GNG12: variants seen among roughly 807,000 people sequenced by gnomAD.
GNG12 encodes the protein guanine nucleotide-binding protein G(I)/G(S)/G(O) subunit gamma-12.
For missense variants in GNG12, 69 were observed against 83.8 expected (o/e 0.82, Z 0.69); for synonymous variants, 28 against 29.7 (o/e 0.94, Z 0.19).
chr1:67,771,963 A>G lies in GNG12; in HGVS notation c.-27+5495T>C, dbSNP rs559303712. 1.1e-4 allele frequency among the ~76,000 whole-genome samples: 17 copies of G among 152,326 alleles called. No homozygotes were observed. In the South Asian group the frequency reaches 1.9e-3, roughly 17 times the overall value. ...CCACTGATGTCACTGTGTCTGTTCC[A>G]TAAGGAGCTATGCTTATCATGGACA... On this transcript the variant is annotated intron_variant, in intron 2 of 3. Transcript: ENST00000370982.
chr1:67,704,329 A>AT lies in GNG12; in HGVS notation c.*1121dup, dbSNP rs1035411769. 95 of 150,570 alleles carry AT rather than the reference A, an allele frequency of 6.3e-4. No homozygotes were observed. The highest frequency in any genetic ancestry group is 1.8e-3 in the African/African-American group (74 of 41,074). 9.3% of individuals were successfully genotyped at this position (150,570 alleles called of 1,614,324 possible). A position where few individuals can be genotyped will look rare whatever the true frequency, so the allele number is the denominator to read the frequency against. The stretch of plus-strand genomic sequence containing the variant: ...CCTGACAGCTTGCATTTTTTTTTTA[A>AT]TTTTTTTTTTCCTCACCGTATTCCA... On this transcript the variant is annotated 3_prime_UTR_variant, in exon 4 of 4. Coordinates refer to ENST00000370982, the MANE Select transcript of GNG12 (RefSeq NM_018841.6).
intron 2 of GNG12, among the ~76,000 whole-genome samples, chr1:67,762,736 A>C (rs1646613007): frequency 6.6e-6 from 1 of 152,150 alleles, no homozygotes; most frequent in South Asian, 2.1e-4. Flanking sequence ...CATGCAATTT[A>C]GTGAAAAATT....
chr1:67,718,116 T>G (rs1646337059), intron 2 of GNG12, among the ~76,000 whole-genome samples: 1 of 152,182 alleles, frequency 6.6e-6, no homozygotes, highest in African/African-American at 2.4e-5. Context: ...GCCCTGACCC[T>G]TCACCTGAAT....
At chr1:67,785,651 A>G (rs1026856241) in intron 1 of GNG12, among the ~76,000 whole-genome samples, 16 of 152,200 alleles carry the variant, frequency 1.1e-4, no homozygotes, top group African/African-American at 3.9e-4. Context: ...AGTTTTTTAA[A>G]AAATGTAATT....
intron 1 of GNG12, among the ~76,000 whole-genome samples, chr1:67,797,920 G>A (rs1646841700): frequency 6.6e-6 from 1 of 152,154 alleles, no homozygotes; most frequent in Admixed American, 6.5e-5. Context: ...GGCACCACTG[G>A]ATGACCACGG....
intron 1 of GNG12, among the ~76,000 whole-genome samples, chr1:67,794,680 T>C (rs1646819825): frequency 6.6e-6 from 1 of 152,210 alleles, no homozygotes; most frequent in Non-Finnish European, 1.5e-5. Flanking sequence ...ATATATAAGA[T>C]GACAAAAGAA....
chr1:67,722,139 G>A (rs944688969), intron 2 of GNG12, among the ~76,000 whole-genome samples: 11 of 152,084 alleles, frequency 7.2e-5, no homozygotes, highest in Non-Finnish European at 1.5e-4. Flanking sequence ...AAAAGAAACC[G>A]AAAAGCCCAA....
At position 67,790,915 on chromosome 1, in the gene GNG12, A is replaced by G. The variant is rs868560184; in HGVS notation, c.-76-13408T>C. On this transcript the variant is annotated intron_variant, in intron 1 of 3. Transcript: ENST00000370982. Reference sequence around the variant, plus strand: ...AGGTGTGAGGCACCATGCCCAGCCCATACTTTATTCCTATATGTATTTGTT... The same window carrying G: ...AGGTGTGAGGCACCATGCCCAGCCCGTACTTTATTCCTATATGTATTTGTT... 2.0e-5 allele frequency among the ~76,000 whole-genome samples: 3 copies of G among 152,270 alleles called. No homozygotes were observed. In the South Asian group the frequency reaches 6.2e-4, roughly 32 times the overall value.
chr1:67,758,552 T>A (rs372091872), intron 2 of GNG12, among the ~76,000 whole-genome samples: 1 of 152,204 alleles, frequency 6.6e-6, no homozygotes, highest in Non-Finnish European at 1.5e-5. Context: ...GTGGCTGCTA[T>A]ATGCACACTG....
chr1:67,809,438 C>G (rs1366774290), intron 1 of GNG12, among the ~76,000 whole-genome samples: 1 of 152,304 alleles, frequency 6.6e-6, no homozygotes, highest in East Asian at 1.9e-4. Context: ...ATAAGCTACA[C>G]TTCATTAAAA....
intron 2 of GNG12, among the ~76,000 whole-genome samples, chr1:67,749,604 C>T (rs943981658): frequency 3.3e-5 from 5 of 152,160 alleles, no homozygotes; most frequent in Admixed American, 2.6e-4. Context: ...CCAGGAAGCA[C>T]GTCTCAGAGG....
At chr1:67,803,143 T>G (rs1169070116) in intron 1 of GNG12, among the ~76,000 whole-genome samples, 1 of 152,246 alleles carries the variant, frequency 6.6e-6, no homozygotes, top group Non-Finnish European at 1.5e-5. Flanking sequence ...CATTGGTCTA[T>G]GGCCCTCCAA....
chr1:67,731,668 G>C (rs572036287), intron 2 of GNG12, among the ~76,000 whole-genome samples: 12 of 152,204 alleles, frequency 7.9e-5, no homozygotes, highest in Non-Finnish European at 1.6e-4. Flanking sequence ...TTAGCTTTCA[G>C]GCTCTGGATT....
intron 1 of GNG12, among the ~76,000 whole-genome samples, 167 bp downstream of exon 1, chr1:67,833,177 A>G (rs1647061371): frequency 7.2e-6 from 1 of 139,620 alleles, no homozygotes; most frequent in African/African-American, 2.7e-5. Context: ...GCCCTCCAGC[A>G]GGACACTCTT....
chr1:67,705,578 TGACATGGA>T lies in GNG12; in HGVS notation c.94-10_94-3del. The T allele has an allele frequency of 6.2e-7, 1 of 1,601,806 alleles. No individual in the cohort carries two copies. The highest frequency in any genetic ancestry group is 8.5e-7 in the Non-Finnish European group (1 of 1,176,384). On this transcript the variant is annotated splice_region_variant and splice_polypyrimidine_tract_variant and intron_variant, in intron 3 of 3. Transcript: ENST00000370982. ...GAGGTCCGCTGATGCCTTCGAAACC[TGACATGGA>T]GATAAATCAAACAAACAAGAAAGAA...
chr1:67,802,339 G>T (rs769413985), intron 1 of GNG12, among the ~76,000 whole-genome samples: 1 of 152,128 alleles, frequency 6.6e-6, no homozygotes, highest in East Asian at 1.9e-4. Flanking sequence ...AACAGGATCT[G>T]AGAGACAAAA....
intron 1 of GNG12, among the ~76,000 whole-genome samples, chr1:67,786,933 A>ATGTGTG (rs1478985977): frequency 1.2e-3 from 60 of 52,084 alleles, no homozygotes; most frequent in Non-Finnish European, 1.4e-3. Context: ...ACTTATATAT[A>ATGTGTG]TATGTGTGTG....
At chr1:67,757,855 T>C (rs969351277) in intron 2 of GNG12, among the ~76,000 whole-genome samples, 1 of 152,192 alleles carries the variant, frequency 6.6e-6, no homozygotes, top group Admixed American at 6.5e-5. Flanking sequence ...TGAGAAAGAT[T>C]TGAGATGGCT....
chr1:67,764,491 T>C (rs2100744146), intron 2 of GNG12, among the ~76,000 whole-genome samples: 1 of 152,258 alleles, frequency 6.6e-6, no homozygotes, highest in Non-Finnish European at 1.5e-5. Flanking sequence ...TTGTGAATAA[T>C]AATGAAAGCC....
Sources: allele counts gnomAD v4.1 joint callset (sites outside exome capture counted in the v4.1 genomes callset), GRCh38; gene constraint gnomAD v4.1.1; transcripts MANE v1.5; gene names NCBI Gene and HGNC (gene_info 2026-07-23, HGNC 2026-07-21).